Variants in PCSK5 observed in about 807,000 individuals in gnomAD.
PCSK5 encodes proprotein convertase subtilisin/kexin type 5, also known as prohormone convertase 5.
A neutral mutation model predicts 233.2 loss-of-function variants in PCSK5; 129 were observed. The ratio of observed to expected loss-of-function variants is 0.55; its 90% CI spans 0.48 to 0.64. The LOEUF (loss-of-function observed/expected upper bound fraction) is 0.64. Among genes scored for constraint, PCSK5 ranks in the 30% least tolerant of loss-of-function variants. The pLI is 0.00. For missense variants in PCSK5, 2,076 were observed against 2,430.1 expected, an observed-to-expected ratio of 0.85 and a Z score of 3.06; for synonymous variants, 825 against 879.2, an observed-to-expected ratio of 0.94 and a Z score of 1.09.
chr9:75,941,404 G>A (rs1164720668), intron 2 of PCSK5, among the ~76,000 whole-genome samples: 1 of 152,028 alleles, frequency 6.6e-6, no homozygotes, highest in Non-Finnish European at 1.5e-5. Context: ...TAGGAATGGT[G>A]ATTTCACGTT....
chr9:76,230,767 C>A (rs931423369), intron 21 of PCSK5, among the ~76,000 whole-genome samples: 1 of 152,076 alleles, frequency 6.6e-6, no homozygotes, highest in African/African-American at 2.4e-5. Context: ...AGGTTGCGTG[C>A]TCATTATGAG....
intron 28 of PCSK5, among the ~76,000 whole-genome samples, chr9:76,307,230 A>T (rs1235582772): frequency 1.3e-5 from 2 of 152,192 alleles, no homozygotes; most frequent in Non-Finnish European, 2.9e-5. Context: ...ATCTGAAGGC[A>T]GGTGTGACTA....
chr9:76,030,815 A>G (rs1828622938), intron 5 of PCSK5, among the ~76,000 whole-genome samples: 1 of 152,032 alleles, frequency 6.6e-6, no homozygotes, highest in Non-Finnish European at 1.5e-5. Context: ...CCACTTCCCA[A>G]GACCCTTGTT....
chr9:76,223,923 T>C (rs1460519430), intron 20 of PCSK5, among the ~76,000 whole-genome samples: 1 of 152,248 alleles, frequency 6.6e-6, no homozygotes, highest in Admixed American at 6.5e-5. Flanking sequence ...AAACATGCAG[T>C]GAAAACTTGT....
At chr9:76,281,123 C>G (rs1162118181) in intron 24 of PCSK5, among the ~76,000 whole-genome samples, 2 of 152,216 alleles carry the variant, frequency 1.3e-5, no homozygotes, top group Non-Finnish European at 2.9e-5. Context: ...AGTAATGATG[C>G]AGAAGCTGCA....
chr9:76,181,387 T>G lies in PCSK5; in HGVS notation c.2004-11T>G. 6 of 1,605,384 alleles carry G rather than the reference T, an allele frequency of 3.7e-6. No homozygotes were observed. Among genetic ancestry groups the G allele is most frequent in the Non-Finnish European group, 5.1e-6 (6 of 1,175,732 alleles). Reference sequence around the variant, plus strand: ...TGACGCTGCCTTCTTTCTTATTGTTTCACAATGCAGGATCTGTGTCTCCAG... The same window carrying G: ...TGACGCTGCCTTCTTTCTTATTGTTGCACAATGCAGGATCTGTGTCTCCAG... On this transcript the variant is annotated splice_polypyrimidine_tract_variant and intron_variant, in intron 15 of 37. Coordinates refer to ENST00000674117, the MANE Select transcript of PCSK5 (RefSeq NM_001372043.1).
intron 5 of PCSK5, among the ~76,000 whole-genome samples, chr9:76,059,253 A>G (rs979263010): frequency 1.3e-5 from 2 of 152,128 alleles, no homozygotes; most frequent in Non-Finnish European, 2.9e-5. Flanking sequence ...TAGATTCTGG[A>G]TATTAGACCT....
chr9:76,244,242 T>C (rs1826514501), intron 24 of PCSK5, among the ~76,000 whole-genome samples: 1 of 152,160 alleles, frequency 6.6e-6, no homozygotes, highest in South Asian at 2.1e-4. Context: ...AATAAATATT[T>C]AAAATTAAAA....
chr9:76,354,347 A>C (rs1284106274), intron 37 of PCSK5, 128 bp downstream of exon 37: 3 of 674,592 alleles, frequency 4.4e-6, no homozygotes, highest in Non-Finnish European at 7.6e-6. Context: ...AGTGCCTACT[A>C]TGGGCCTACT....
At chr9:76,173,966 C>CA (rs1196340728) in intron 13 of PCSK5, among the ~76,000 whole-genome samples, 12 of 148,526 alleles carry the variant, frequency 8.1e-5, no homozygotes, top group Non-Finnish European at 1.2e-4. Context: ...AGAACGAAAT[C>CA]AAAAAAAAAG....
Position 76,229,602 on chromosome 9 carries a change from A to C in PCSK5, c.2729+1997A>C, listed in dbSNP as rs73460376. On this transcript the variant is annotated intron_variant, in intron 21 of 37. Transcript: ENST00000674117. ...TATTTCAATGAATTCAGAGAAAAAA[A>C]TCTTTTTACTAGATTTCATTCTTTT... Among the ~76,000 whole-genome samples, 1,212 of 152,362 alleles carry C rather than the reference A, an allele frequency of 8.0e-3. 15 individuals carry two copies. The highest frequency in any genetic ancestry group is 0.028 in the African/African-American group (1,179 of 41,578).
Position 76,296,740 on chromosome 9 carries a change from G to T in PCSK5, c.3398G>T (p.Arg1133Leu), listed in dbSNP as rs373133250. 4.3e-6 allele frequency: 7 copies of T among 1,612,306 alleles called. No homozygotes were observed. In the African/African-American group the frequency reaches 9.3e-5, roughly 22 times the overall value. ...ATGGGAGAATGTGAGTCCTGCCACCGAGCATGCGAAACCTGCACAGGCCCT... is the reference window on the plus strand; with the variant it reads ...ATGGGAGAATGTGAGTCCTGCCACCTAGCATGCGAAACCTGCACAGGCCCT... ...QEMGECESCH[R>L]ACETCTGPGH... Residue 1133 changes from arginine to leucine, a missense_variant, in exon 27 of 38, where the codon CGA becomes CTA. Coordinates refer to ENST00000674117, the MANE Select transcript of PCSK5 (RefSeq NM_001372043.1).
intron 33 of PCSK5, among the ~76,000 whole-genome samples, chr9:76,328,715 A>G (rs1433768276): frequency 6.6e-6 from 1 of 152,228 alleles, no homozygotes; most frequent in Non-Finnish European, 1.5e-5. Context: ...CATTCATACA[A>G]TACTTTAATA....
At chr9:76,271,073 C>T (rs968000569) in intron 24 of PCSK5, among the ~76,000 whole-genome samples, 5 of 152,126 alleles carry the variant, frequency 3.3e-5, no homozygotes, top group Admixed American at 3.3e-4. Context: ...CCAAATACTG[C>T]ACCGTTCAGC....
At chr9:76,292,046 A>G (rs1456226632) in intron 24 of PCSK5, among the ~76,000 whole-genome samples, 187 bp from the exon 25 acceptor site, 1 of 152,320 alleles carries the variant, frequency 6.6e-6, no homozygotes, top group Middle Eastern at 3.4e-3. Flanking sequence ...TTTGATAAAG[A>G]TAAATCCTAG....
At chr9:76,154,922 T>G (rs1823824700) in intron 10 of PCSK5, among the ~76,000 whole-genome samples, 1 of 152,294 alleles carries the variant, frequency 6.6e-6, no homozygotes, top group Admixed American at 6.5e-5. Context: ...TAATTACCCC[T>G]CATGATGTTA....
intron 5 of PCSK5, among the ~76,000 whole-genome samples, chr9:76,033,138 T>C (rs558214455): frequency 1.1e-4 from 17 of 152,192 alleles, no homozygotes; most frequent in Non-Finnish European, 2.2e-4. Context: ...CCCTTTCCCA[T>C]TTCTGTAGAC....
intron 5 of PCSK5, among the ~76,000 whole-genome samples, chr9:76,040,351 C>A (rs1009394024): frequency 1.7e-5 from 1 of 57,218 alleles, no homozygotes; most frequent in Admixed American, 2.1e-4. Flanking sequence ...CTCTCTCTCT[C>A]TCTCTCTCTC....
intron 24 of PCSK5, among the ~76,000 whole-genome samples, chr9:76,244,116 C>T (rs1364415000): frequency 1.3e-5 from 2 of 152,092 alleles, no homozygotes; most frequent in Admixed American, 6.5e-5. Context: ...GTCCCAGCTA[C>T]TCAGGAAGTT....
Sources: gnomAD v4.1 joint callset for allele counts (sites outside exome capture counted in the v4.1 genomes callset) on GRCh38, gnomAD v4.1.1 for gene constraint, MANE v1.5 for transcripts, NCBI Gene and HGNC (gene_info 2026-07-23, HGNC 2026-07-21) for gene names.